Variants in OXTR observed in about 807,000 individuals in gnomAD.
OXTR encodes the protein oxytocin receptor.
A neutral mutation model predicts 23.9 loss-of-function variants in OXTR; 19 were observed. The ratio of observed to expected loss-of-function variants is 0.80; its 90% CI spans 0.56 to 1.17. The LOEUF (loss-of-function observed/expected upper bound fraction) is 1.17, where lower values mean the gene tolerates loss of function less well. Among genes scored for constraint, OXTR ranks in the 50% most tolerant of loss-of-function variants. The probability of loss-of-function intolerance (pLI) is 0.00; values close to 1 mark genes in which losing one functional copy is unlikely to be tolerated. For missense variants in OXTR, 500 were observed against 550.7 expected, an observed-to-expected ratio of 0.91 and a Z score of 0.92; for synonymous variants, 278 against 250.5, an observed-to-expected ratio of 1.11 and a Z score of -1.04.
chr3:8,742,419 C>A, the OXTR span: 1 of 408,318 alleles, frequency 2.4e-6, no homozygotes, highest in South Asian at 1.8e-5. Flanking sequence ...CATACAGAAG[C>A]CATTGGCGGT....
rs1332551058 is a variant in OXTR, at chr3:8,752,458, T to C, written c.*519A>G. ...GTCTTACAAGGTAATCCCCTTCTCTTAGGGCTACCCTCTGACAAGCTGGTC... is the reference window on the plus strand; with the variant it reads ...GTCTTACAAGGTAATCCCCTTCTCTCAGGGCTACCCTCTGACAAGCTGGTC... On this transcript the variant is annotated 3_prime_UTR_variant, in exon 4 of 4. Transcript: ENST00000316793. 2 of 154,530 alleles carry C rather than the reference T, an allele frequency of 1.3e-5. No individual in the cohort carries two copies. The highest frequency in any genetic ancestry group is 1.3e-4 in the Admixed American group (2 of 15,760). 9.6% of individuals were successfully genotyped at this position (154,530 alleles called of 1,614,324 possible).
rs1225285823 is a variant in OXTR at position 8,751,995 on chromosome 3, C to T, written c.*982G>A. ...CAATACTAAGTCTGATCCATGAACACAGGATGTCTTTCCATTTATTTAAGC... is the reference window on the plus strand; with the variant it reads ...CAATACTAAGTCTGATCCATGAACATAGGATGTCTTTCCATTTATTTAAGC... On this transcript the variant is annotated 3_prime_UTR_variant, in exon 4 of 4. Transcript: ENST00000316793. The T allele has an allele frequency of 1.3e-5, 2 of 152,200 alleles. No homozygotes were observed. The highest frequency in any genetic ancestry group is 2.9e-5 in the Non-Finnish European group (2 of 68,032). The allele number at this position is 152,200 out of a possible 1,614,324, so 9.4% of individuals were successfully genotyped here.
chr3:8,767,228 C>G, intron 3 of OXTR, 38 bp downstream of exon 3: 1 of 1,506,994 alleles, frequency 6.6e-7, no homozygotes, highest in Non-Finnish European at 8.8e-7. Flanking sequence ...CCCCCAGCCA[C>G]CAGGCTCCCT....
downstream of OXTR, among the ~76,000 whole-genome samples, chr3:8,748,231 C>T (rs1708200837): frequency 6.6e-6 from 1 of 152,230 alleles, no homozygotes; most frequent in South Asian, 2.1e-4. Flanking sequence ...TGTGATGCTA[C>T]AGATGGCTCC....
At chr3:8,745,021 CCTCA>C in the OXTR span, 1 of 164,992 alleles carries the variant, frequency 6.1e-6, no homozygotes, top group African/African-American at 2.4e-5. This position sits in a 1 kb window ranked among gnomAD's most constrained non-coding sequence, Gnocchi z 4.8. Context: ...CCCCTCTAAA[CCTCA>C]TGGTGAAACA....
At chr3:8,745,573 T>C, downstream of OXTR, 1 of 1,614,160 alleles carries the variant, frequency 6.2e-7, no homozygotes, top group Non-Finnish European at 8.5e-7. The surrounding 1 kb of genome is among the most constrained non-coding windows in gnomAD (Gnocchi z 4.8). Flanking sequence ...CCTACAGCTT[T>C]GACGGCGTGT....
chr3:8,745,601 A>G, downstream of OXTR: 1 of 1,614,012 alleles, frequency 6.2e-7, no homozygotes, highest in East Asian at 2.2e-5. The surrounding 1 kb of genome is among the most constrained non-coding windows in gnomAD (Gnocchi z 4.8). Flanking sequence ...GAGCTACACC[A>G]CCTTCACTGT....
chr3:8,749,287 T>A (rs185297784), downstream of OXTR, among the ~76,000 whole-genome samples: 1 of 152,180 alleles, frequency 6.6e-6, no homozygotes, highest in Non-Finnish European at 1.5e-5. Context: ...AGACCCAATG[T>A]ACCCGCCAGA....
downstream of OXTR, chr3:8,745,771 C>T: frequency 1.2e-6 from 2 of 1,614,128 alleles, no homozygotes; most frequent in Non-Finnish European, 1.7e-6. The surrounding 1 kb of genome is among the most constrained non-coding windows in gnomAD (Gnocchi z 4.8). Flanking sequence ...TCAGCCACAT[C>T]TACTCACTCT....
intron 3 of OXTR, among the ~76,000 whole-genome samples, chr3:8,762,223 G>A (rs759288909): frequency 9.2e-5 from 14 of 152,172 alleles, no homozygotes; most frequent in Non-Finnish European, 1.9e-4. Flanking sequence ...CACCCCTCCC[G>A]AAACCCACAC....
At chr3:8,745,606 C>T, downstream of OXTR, 1 of 1,614,164 alleles carries the variant, frequency 6.2e-7, no homozygotes, top group Non-Finnish European at 8.5e-7. The surrounding 1 kb of genome is among the most constrained non-coding windows in gnomAD (Gnocchi z 4.8). Context: ...ACACCACCTT[C>T]ACTGTCTCCA....
intron 3 of OXTR, among the ~76,000 whole-genome samples, chr3:8,753,681 C>T (rs115322690): frequency 1.6e-3 from 246 of 152,308 alleles, no homozygotes; most frequent in African/African-American, 5.6e-3. Context: ...TAAGAAGCTT[C>T]GGTTTCCTAA....
At chr3:8,753,917 G>A (rs942411058) in intron 3 of OXTR, among the ~76,000 whole-genome samples, 4 of 152,206 alleles carry the variant, frequency 2.6e-5, no homozygotes, top group African/African-American at 4.8e-5. Flanking sequence ...CACAAACGGG[G>A]CATGTGAGCT....
chr3:8,766,076 A>C (rs568159237), intron 3 of OXTR, among the ~76,000 whole-genome samples: 5 of 152,356 alleles, frequency 3.3e-5, no homozygotes, highest in Non-Finnish European at 7.3e-5. Context: ...CAGTGTCTGG[A>C]GTGCAGAAAG....
chr3:8,748,947 C>CA (rs1708211183), downstream of OXTR, among the ~76,000 whole-genome samples: 1 of 152,046 alleles, frequency 6.6e-6, no homozygotes, highest in African/African-American at 2.4e-5. Flanking sequence ...TTTTGATGAT[C>CA]AGAGCCATGA....
chr3:8,753,351 A>C, intron 3 of OXTR, 127 bp from the exon 4 acceptor site: 1 of 1,137,350 alleles, frequency 8.8e-7, no homozygotes, highest in Non-Finnish European at 1.2e-6. Context: ...ATCCTGAATC[A>C]CAAGATGAGG....
Position 8,762,515 on chromosome 3 carries a change from G to A in OXTR, c.922+4751C>T, listed in dbSNP as rs142886963. On this transcript the variant is annotated intron_variant, in intron 3 of 3. Coordinates refer to ENST00000316793, the MANE Select transcript of OXTR (RefSeq NM_000916.4). ...TTGTACCCAGAAGGGCCGAGCTTGTGCACTCTTCATGGCCCAGAGTGAATA... is the reference window on the plus strand; with the variant it reads ...TTGTACCCAGAAGGGCCGAGCTTGTACACTCTTCATGGCCCAGAGTGAATA... Among the ~76,000 whole-genome samples, 380 of 152,350 alleles carry A rather than the reference G, an allele frequency of 2.5e-3. 2 individuals carry two copies. The highest frequency in any genetic ancestry group is 8.7e-3 in the African/African-American group (362 of 41,582).
At chr3:8,755,855 A>G (rs1708361211) in intron 3 of OXTR, among the ~76,000 whole-genome samples, 1 of 152,382 alleles carries the variant, frequency 6.6e-6, no homozygotes, top group East Asian at 1.9e-4. Context: ...ACTATGGAGC[A>G]TATTTCAAAG....
rs1559679774 is a variant in OXTR, at chr3:8,767,465, G to C, written c.723C>G (p.Ala241=). 6.2e-7 allele frequency: 1 copy of C among 1,600,172 alleles called. No individual in the cohort carries two copies. Among genetic ancestry groups the C allele is most frequent in the Admixed American group, 1.7e-5 (1 of 57,866 alleles). The part of the protein sequence containing the change: ...LRLKTAAAAA[A]EAPEGAAAGD... Reference sequence around the variant, plus strand: ...CAGCCGCCGCGCCCTCTGGCGCCTCGGCCGCCGCCGCTGCAGCGGTCTTGA... The same window carrying C: ...CAGCCGCCGCGCCCTCTGGCGCCTCCGCCGCCGCCGCTGCAGCGGTCTTGA... Residue 241 remains alanine, a synonymous_variant, in exon 3 of 4, where the codon GCC becomes GCG. Coordinates refer to ENST00000316793, the MANE Select transcript of OXTR (RefSeq NM_000916.4).
Sources: gnomAD v4.1 joint callset for allele counts (sites outside exome capture counted in the v4.1 genomes callset) on GRCh38, gnomAD v4.1.1 for gene constraint, Gnocchi (gnomAD v3.1) non-coding constraint, MANE v1.5 for transcripts, NCBI Gene and HGNC (gene_info 2026-07-23, HGNC 2026-07-21) for gene names.